CDK11A: variants seen among roughly 807,000 people sequenced by gnomAD.
The protein encoded by CDK11A is cyclin-dependent kinase 11A.
In CDK11A, 55 loss-of-function variants were observed where a neutral mutation model predicts 83.6. The ratio of observed to expected loss-of-function variants is 0.66; its 90% confidence interval spans 0.53 to 0.82. The LOEUF (loss-of-function observed/expected upper bound fraction) is 0.82. Among genes scored for constraint, CDK11A ranks in the 40% least tolerant of loss-of-function variants. The pLI is 0.00. For synonymous variants in CDK11A, 247 were observed against 302.7 expected (o/e 0.82, Z 1.91); for missense variants, 564 against 810.1 (o/e 0.70, Z 3.69).
intron 11 of CDK11A, among the ~76,000 whole-genome samples, chr1:1,706,085 C>T (rs370111725): frequency 2.0e-5 from 3 of 150,126 alleles, no homozygotes; most frequent in African/African-American, 4.9e-5. Context: ...TTCTTTTTTT[C>T]TTTTTGAGAT....
rs775549112 is a variant in CDK11A at position 1,716,483 on chromosome 1, T to A, written c.356-5A>T. On this transcript the variant is annotated splice_polypyrimidine_tract_variant and splice_region_variant and intron_variant, in intron 4 of 19. Coordinates refer to ENST00000404249, the MANE Select transcript of CDK11A (RefSeq NM_024011.4). ...CTTTCACTCTAGCATGCTTCCCTAATGAGAAATAAAGTGTCATGCAAAGAA... is the reference window on the plus strand; with the variant it reads ...CTTTCACTCTAGCATGCTTCCCTAAAGAGAAATAAAGTGTCATGCAAAGAA... The A allele has an allele frequency of 1.9e-6, 3 of 1,607,252 alleles. No homozygotes were observed. In the South Asian group the frequency reaches 3.3e-5, roughly 18 times the overall value.
intron 14 of CDK11A, 58 bp from the exon 15 acceptor site, chr1:1,704,402 G>T (rs1644223884): frequency 1.3e-6 from 2 of 1,597,006 alleles, no homozygotes; most frequent in Non-Finnish European, 1.7e-6. Context: ...GGGCACTCAG[G>T]GTGGCCCGCT....
rs1390769705 is a variant in CDK11A at position 1,708,406 on chromosome 1, C to G, written c.1004-161G>C. 2.0e-5 allele frequency among the ~76,000 whole-genome samples: 3 copies of G among 149,712 alleles called. 1 individual carries two copies. Among genetic ancestry groups the G allele is most frequent in the Admixed American group, 6.7e-5 (1 of 14,996 alleles). ...CTGTAATCCCAGTGCTTTGGGAGGCCGAGGCGGGTGGATCACCTGAGGTCA... is the reference window on the plus strand; with the variant it reads ...CTGTAATCCCAGTGCTTTGGGAGGCGGAGGCGGGTGGATCACCTGAGGTCA... On this transcript the variant is annotated intron_variant, in intron 9 of 19. Transcript: ENST00000404249.
At chr1:1,717,408 C>G (rs886988076) in intron 4 of CDK11A, among the ~76,000 whole-genome samples, 2 of 151,134 alleles carry the variant, frequency 1.3e-5, no homozygotes, top group African/African-American at 4.9e-5. Context: ...GATGTTGGTA[C>G]GAGATCAAAC....
chr1:1,719,137 G>A, intron 4 of CDK11A, 191 bp downstream of exon 4: 1 of 397,946 alleles, frequency 2.5e-6, no homozygotes, highest in Non-Finnish European at 4.4e-6. Flanking sequence ...CCCTCTGAAT[G>A]GTCTGTGACA....
At position 1,703,549 on chromosome 1, in the gene CDK11A, C is replaced by T. The variant is rs756555532; in HGVS notation, c.1987G>A (p.Glu663Lys). The part of the protein sequence containing the change: ...LPVVKKMTFS[E>K]HPYNNLRKRF... ...TTGCGGAGGTTGTTGTAGGGGTGCT[C>T]GCTGAAGGTCATCTTTTTGACTACT... The change falls in exon 18 of 20, where the codon GAG becomes AAG. Residue 663 changes from glutamate to lysine, a missense_variant. Transcript: ENST00000404249. 1.6e-5 allele frequency: 25 copies of T among 1,566,976 alleles called. 1 individual carries two copies. Among genetic ancestry groups the T allele is most frequent in the South Asian group, 1.2e-4 (10 of 85,600 alleles).
At position 1,719,450 on chromosome 1, in the gene CDK11A, TCTC is replaced by T. The variant is rs776415978; in HGVS notation, c.230_232del (p.Gly77del). Reference sequence around the variant, plus strand: ...TTTGATGGCCAAAGAATCATCTTCTTCTCCTCTGAAATAAAACACAACAGCACT... The same window carrying T: ...TTTGATGGCCAAAGAATCATCTTCTTCTCTGAAATAAAACACAACAGCACT... On this transcript the variant is annotated inframe_deletion and splice_region_variant, in exon 4 of 20. Coordinates refer to ENST00000404249, the MANE Select transcript of CDK11A (RefSeq NM_024011.4). 21 of 1,500,420 alleles carry T rather than the reference TCTC, an allele frequency of 1.4e-5. No individual in the cohort carries two copies. In the South Asian group the frequency reaches 2.6e-4, roughly 19 times the overall value. 92.9% of individuals were successfully genotyped at this position (1,500,420 alleles called of 1,614,324 possible).
intron 5 of CDK11A, among the ~76,000 whole-genome samples, chr1:1,714,852 C>T (rs1351805932): frequency 6.8e-6 from 1 of 146,686 alleles, no homozygotes; most frequent in Non-Finnish European, 1.5e-5. Flanking sequence ...GGCTCGAGCT[C>T]TCTCCAGTCT....
At chr1:1,703,765 G>A in intron 17 of CDK11A, 59 bp downstream of exon 17, 1 of 1,597,326 alleles carries the variant, frequency 6.3e-7, no homozygotes. Context: ...GCGCCCCGCA[G>A]CCCCATTCCT....
chr1:1,703,417 G>C, intron 18 of CDK11A, 59 bp downstream of exon 18: 1 of 1,355,802 alleles, frequency 7.4e-7, no homozygotes, highest in East Asian at 2.6e-5. Flanking sequence ...GTAGGCCTGG[G>C]ACTGGGAAGT....
At chr1:1,715,209 C>T (rs1432289330) in intron 5 of CDK11A, among the ~76,000 whole-genome samples, 1 of 110,162 alleles carries the variant, frequency 9.1e-6, no homozygotes, top group African/African-American at 2.9e-5. Context: ...TTGTCAGAGA[C>T]AAGGTCTCTC....
chr1:1,719,276 G>A, intron 4 of CDK11A, 52 bp downstream of exon 4: 2 of 1,434,398 alleles, frequency 1.4e-6, no homozygotes, highest in Non-Finnish European at 9.3e-7. Flanking sequence ...AGTAGGAACA[G>A]GAAAGAAACC....
At chr1:1,719,202 A>C (rs79670681) in intron 4 of CDK11A, 126 bp downstream of exon 4, 3 of 848,930 alleles carry the variant, frequency 3.5e-6, no homozygotes, top group Non-Finnish European at 1.7e-6. Flanking sequence ...CTGTGACACC[A>C]TTATGCTTTC....
chr1:1,704,443 C>T (rs746470808), intron 14 of CDK11A, 99 bp from the exon 15 acceptor site: 4 of 1,548,152 alleles, frequency 2.6e-6, no homozygotes, highest in Non-Finnish European at 3.5e-6. Context: ...CTTCTCAGGG[C>T]TTTCCCTGTG....
intron 3 of CDK11A, among the ~76,000 whole-genome samples, chr1:1,720,085 AT>A (rs1489672004): frequency 1.3e-5 from 2 of 150,202 alleles, no homozygotes; most frequent in Admixed American, 1.3e-4. Context: ...ATTTAATTTA[AT>A]TTTATTTATT....
At position 1,718,666 on chromosome 1, in the gene CDK11A, G is replaced by C. The variant is rs186464848; in HGVS notation, c.355+662C>G. 1.1e-4 allele frequency among the ~76,000 whole-genome samples: 13 copies of C among 118,582 alleles called. No individual in the cohort carries two copies. In the South Asian group the frequency reaches 2.2e-3, roughly 20 times the overall value. The allele number at this position is 118,582 out of a possible 152,430, so 77.8% of individuals were successfully genotyped here. ...TTTTTTTTTTTTGAGACGGAGTCTT[G>C]CTCTGTCGCCCAGGCTAGAGTGTGC... On this transcript the variant is annotated intron_variant, in intron 4 of 19. Transcript: ENST00000404249.
At position 1,704,039 on chromosome 1, in the gene CDK11A, C is replaced by G. The variant is rs1443636902; in HGVS notation, c.1794G>C (p.Lys598Asn). The change falls in exon 16 of 20, where the codon AAG (lysine) becomes AAC (asparagine). Residue 598 changes from lysine (K) to asparagine (N), a missense_variant and splice_region_variant. Lys to Asn is a moderately conservative substitution (Grantham distance 94, BLOSUM62 0). This residue lies in a region of CDK11A where 361 missense variants were observed against 402.7 expected (regional missense o/e 0.90). Coordinates refer to ENST00000404249, the MANE Select transcript of CDK11A (RefSeq NM_024011.4). Reference sequence around the variant, plus strand: ...AGGCACTCAGACGCCCAGGACTCACCTTGGCACCAAGCAGCAGCTCTGGGG... The same window carrying G: ...AGGCACTCAGACGCCCAGGACTCACGTTGGCACCAAGCAGCAGCTCTGGGG... ...YRAPELLLGA[K>N]EYSTAVDMWS... is the part of the protein sequence containing the mutation. 3.1e-6 allele frequency: 5 copies of G among 1,596,290 alleles called. No individual in the cohort carries two copies. Among genetic ancestry groups the G allele is most frequent in the Admixed American group, 1.7e-5 (1 of 58,984 alleles).
intron 10 of CDK11A, 96 bp downstream of exon 10, chr1:1,708,084 C>A: frequency 2.5e-6 from 4 of 1,568,652 alleles, no homozygotes; most frequent in South Asian, 2.3e-5. Flanking sequence ...CAGACCCTGG[C>A]GTGCCCCACG....
intron 4 of CDK11A, chr1:1,719,065 C>T: frequency 4.4e-6 from 1 of 229,464 alleles, no homozygotes; most frequent in Non-Finnish European, 8.5e-6. Flanking sequence ...AGCTAGTTTG[C>T]TCTCTCTGGT....
Sources: gnomAD v4.1 joint callset for allele counts (sites outside exome capture counted in the v4.1 genomes callset) on GRCh38, gnomAD v4.1.1 for gene constraint, gnomAD v4.1.1 regional missense constraint, MANE v1.5 for transcripts, NCBI Gene and HGNC (gene_info 2026-07-23, HGNC 2026-07-21) for gene names.